Variants in SCN8A observed in about 807,000 individuals in gnomAD.
SCN8A encodes sodium channel protein type 8 subunit alpha.
Under a neutral mutation model 184.1 loss-of-function variants are expected in SCN8A, and 30 were observed. That is an observed-to-expected ratio of 0.16 (90% CI 0.12 to 0.22). SCN8A has a LOEUF of 0.22. SCN8A is among the 10% of genes least tolerant of loss of function. The pLI, the probability that SCN8A is intolerant of heterozygous loss-of-function variation, is 1.00. For missense variants in SCN8A, 1,057 were observed against 2,498.9 expected (o/e 0.42, Z 12.30); for synonymous variants, 852 against 907.0 (o/e 0.94, Z 1.09).
intron 13 of SCN8A, 25 bp downstream of exon 13, chr12:51,746,060 A>G: frequency 1.3e-6 from 2 of 1,564,578 alleles, no homozygotes; most frequent in Non-Finnish European, 1.7e-6. Context: ...ATGTCAGTCC[A>G]ACCGCTGAGA....
At chr12:51,706,902 G>C (rs1256081279) in intron 11 of SCN8A, among the ~76,000 whole-genome samples, 187 bp downstream of exon 11, 1 of 151,932 alleles carries the variant, frequency 6.6e-6, no homozygotes, top group Non-Finnish European at 1.5e-5. Flanking sequence ...GTAACCACCA[G>C]TCTACTCTCT....
chr12:51,654,457 CA>C (rs1940781406), intron 1 of SCN8A, among the ~76,000 whole-genome samples: 1 of 152,106 alleles, frequency 6.6e-6, no homozygotes, highest in South Asian at 2.1e-4. Flanking sequence ...TTGTTTTCCC[CA>C]TTGAATGGTC....
intron 11 of SCN8A, among the ~76,000 whole-genome samples, chr12:51,714,772 C>A (rs2138767387): frequency 6.6e-6 from 1 of 152,298 alleles, no homozygotes; most frequent in Middle Eastern, 3.4e-3. Context: ...GATAATTTTT[C>A]TGTGGAATGC....
chr12:51,802,140 T>G (rs564435990), intron 26 of SCN8A, among the ~76,000 whole-genome samples: 2 of 152,300 alleles, frequency 1.3e-5, no homozygotes, highest in South Asian at 2.1e-4. Flanking sequence ...AGAGCTGCCA[T>G]GACTTGAGTC....
At chr12:51,724,403 C>T (rs977449176) in intron 12 of SCN8A, among the ~76,000 whole-genome samples, 5 of 152,096 alleles carry the variant, frequency 3.3e-5, no homozygotes, top group Admixed American at 6.5e-5. Flanking sequence ...GCCAAGATTG[C>T]GCCATTGCAC....
At chr12:51,747,138 A>AG (rs930319446) in intron 13 of SCN8A, among the ~76,000 whole-genome samples, 3 of 97,924 alleles carry the variant, frequency 3.1e-5, no homozygotes, top group Non-Finnish European at 4.2e-5. Flanking sequence ...TGTGTTGGGG[A>AG]GGGGGTTGCA....
Position 51,756,581 on chromosome 12 carries a change from A to G in SCN8A, c.2370+4988A>G, listed in dbSNP as rs1942678266. Among the ~76,000 whole-genome samples the G allele has an allele frequency of 1.3e-5, 2 of 152,166 alleles. 1 individual carries two copies. Among genetic ancestry groups the G allele is most frequent in the South Asian group, 4.1e-4 (2 of 4,832 alleles). ...CCACCACACTTGGGCCTCAACACCT[A>G]TGTGGGGTAGCCACGCCTCATACCA... On this transcript the variant is annotated intron_variant, in intron 14 of 26. Transcript: ENST00000627620.
intron 26 of SCN8A, among the ~76,000 whole-genome samples, chr12:51,805,852 A>G (rs1290034834): frequency 5.9e-5 from 9 of 151,612 alleles, no homozygotes; most frequent in African/African-American, 1.9e-4. Flanking sequence ...TTTTGAGACA[A>G]GAATCTTGGT....
chr12:51,767,838 GT>G (rs1231909513), intron 16 of SCN8A, among the ~76,000 whole-genome samples: 1 of 152,138 alleles, frequency 6.6e-6, no homozygotes, highest in Non-Finnish European at 1.5e-5. Flanking sequence ...TCTGTATGTA[GT>G]TAGTCTGAAT....
At chr12:51,599,628 G>A (rs1433620163) in intron 1 of SCN8A, among the ~76,000 whole-genome samples, 1 of 152,202 alleles carries the variant, frequency 6.6e-6, no homozygotes, top group Non-Finnish European at 1.5e-5. Context: ...GATGATCAAA[G>A]CTATACTGTA....
intron 1 of SCN8A, among the ~76,000 whole-genome samples, chr12:51,605,105 A>G (rs1042711575): frequency 6.7e-6 from 1 of 150,374 alleles, no homozygotes; most frequent in Non-Finnish European, 1.5e-5. Flanking sequence ...TAGCTATTCT[A>G]TTGTCATAGC....
chr12:51,782,611 A>G (rs1451658191), intron 21 of SCN8A, among the ~76,000 whole-genome samples: 1 of 152,172 alleles, frequency 6.6e-6, no homozygotes, highest in Non-Finnish European at 1.5e-5. Flanking sequence ...ATCCCCCTAC[A>G]AAAGAAATGC....
intron 26 of SCN8A, among the ~76,000 whole-genome samples, chr12:51,805,791 G>A (rs576467070): frequency 6.6e-6 from 1 of 151,964 alleles, no homozygotes; most frequent in Non-Finnish European, 1.5e-5. Context: ...AGGCACATAG[G>A]TGTCTATTTT....
At chr12:51,680,756 CT>C (rs1941316138) in intron 2 of SCN8A, among the ~76,000 whole-genome samples, 1 of 152,100 alleles carries the variant, frequency 6.6e-6, no homozygotes, top group Non-Finnish European at 1.5e-5. Flanking sequence ...AATCCCAGCC[CT>C]TTGGGAGGCT....
At chr12:51,786,899 T>G in intron 22 of SCN8A, 73 bp downstream of exon 22, 1 of 1,373,424 alleles carries the variant, frequency 7.3e-7, no homozygotes, top group Non-Finnish European at 1.0e-6. Context: ...CCATTTGGCT[T>G]CTTCTCAACC....
At chr12:51,773,379 T>C (rs372698913) in intron 19 of SCN8A, among the ~76,000 whole-genome samples, 1 of 152,248 alleles carries the variant, frequency 6.6e-6, no homozygotes, top group Admixed American at 6.5e-5. Flanking sequence ...ATCCCATTCA[T>C]GAATGCCAAA....
rs917515945 is a variant in SCN8A at position 51,721,738 on chromosome 12, C to T, written c.1828C>T (p.Arg610Cys). ...CTTCATCCCCATCCGGGCCCGCGAG[C>T]GCCGGAGCAGCTACAGCGGCTACAG... ...SLFIPIRARE[R>C]RSSYSGYSGY... Residue 610 changes from arginine (R) to cysteine (C), a missense_variant, in exon 12 of 27, where the codon CGC (arginine) becomes TGC (cysteine). By Grantham distance (180) the Arg-to-Cys change is radical. Coordinates refer to ENST00000627620, the MANE Select transcript of SCN8A (RefSeq NM_001330260.2). The T allele has an allele frequency of 6.2e-7, 1 of 1,603,388 alleles. No individual in the cohort carries two copies. Among genetic ancestry groups the T allele is most frequent in the Middle Eastern group, 1.7e-4 (1 of 6,042 alleles).
intron 2 of SCN8A, among the ~76,000 whole-genome samples, chr12:51,664,843 G>A (rs1215283826): frequency 6.6e-5 from 10 of 151,964 alleles, no homozygotes; most frequent in African/African-American, 1.7e-4. Flanking sequence ...TATTAAGCCC[G>A]GCATCTATTA....
At chr12:51,786,219 T>C (rs1315230763) in intron 21 of SCN8A, among the ~76,000 whole-genome samples, 4 of 152,216 alleles carry the variant, frequency 2.6e-5, no homozygotes, top group Non-Finnish European at 4.4e-5. Flanking sequence ...GCATATTTTA[T>C]GAATTGAGGA....
Sources: gnomAD v4.1 joint callset for allele counts (sites outside exome capture counted in the v4.1 genomes callset) on GRCh38, gnomAD v4.1.1 for gene constraint, MANE v1.5 for transcripts, NCBI Gene and HGNC (gene_info 2026-07-23, HGNC 2026-07-21) for gene names.